MALT1: variants seen among roughly 807,000 people sequenced by gnomAD.
MALT1 encodes the protein mucosa-associated lymphoid tissue lymphoma translocation protein 1.
A neutral mutation model predicts 85.5 loss-of-function variants in MALT1; 36 were observed. That is an observed-to-expected ratio of 0.42 (90% CI 0.32 to 0.56). The LOEUF is 0.56. MALT1 is among the 20% of genes least tolerant of loss of function. The pLI is 0.10. For synonymous variants in MALT1, 359 were observed against 361.3 expected, an observed-to-expected ratio of 0.99 and a Z score of 0.07; for missense variants, 716 against 981.6, an observed-to-expected ratio of 0.73 and a Z score of 3.62.
At chr18:58,673,599 C>T (rs529954841) in intron 1 of MALT1, among the ~76,000 whole-genome samples, 14 of 152,228 alleles carry the variant, frequency 9.2e-5, no homozygotes, top group African/African-American at 2.4e-4. Flanking sequence ...GGATTACAGG[C>T]GTGCGCCACT....
chr18:58,744,261 A>T (rs12456894), intron 14 of MALT1, 77 bp from the exon 15 acceptor site: 109,952 of 912,528 alleles, frequency 0.12, 7,692 homozygotes, highest in Admixed American at 0.17. Context: ...AGAAATGCTA[A>T]CTATATTCTC....
chr18:58,722,608 T>G (rs1308248254), intron 9 of MALT1, among the ~76,000 whole-genome samples: 2 of 152,220 alleles, frequency 1.3e-5, no homozygotes, highest in African/African-American at 4.8e-5. Context: ...CTGTCCCTTT[T>G]TTAGTTATCT....
chr18:58,735,384 C>A, intron 13 of MALT1, 55 bp downstream of exon 13: 6 of 1,540,762 alleles, frequency 3.9e-6, no homozygotes, highest in Non-Finnish European at 5.2e-6. Flanking sequence ...AGGGGAGACA[C>A]ACCTATTCAG....
chr18:58,708,363 A>G (rs2054786926), intron 4 of MALT1, among the ~76,000 whole-genome samples: 1 of 152,230 alleles, frequency 6.6e-6, no homozygotes, highest in Non-Finnish European at 1.5e-5. Context: ...TGGTTTTCCC[A>G]GGACTTTCCT....
intron 2 of MALT1, among the ~76,000 whole-genome samples, chr18:58,690,187 A>G (rs1451305609): frequency 6.6e-6 from 1 of 152,178 alleles, no homozygotes; most frequent in Non-Finnish European, 1.5e-5. Flanking sequence ...TAACTCTTAC[A>G]ATATTTCGAA....
intron 2 of MALT1, chr18:58,690,335 G>T: frequency 6.6e-6 from 1 of 152,548 alleles, no homozygotes; most frequent in South Asian, 2.1e-4. Context: ...GTGGTCTTAA[G>T]ACCAGATCAG....
At chr18:58,720,992 T>C (rs1258222394) in intron 9 of MALT1, among the ~76,000 whole-genome samples, 2 of 152,228 alleles carry the variant, frequency 1.3e-5, no homozygotes, top group Non-Finnish European at 2.9e-5. Context: ...TCTAATAGCA[T>C]TGATGGACTC....
At chr18:58,678,213 A>G (rs2054269221) in intron 1 of MALT1, among the ~76,000 whole-genome samples, 1 of 152,228 alleles carries the variant, frequency 6.6e-6, no homozygotes, top group Non-Finnish European at 1.5e-5. Flanking sequence ...GGGTAACAGT[A>G]TAAATGCTAT....
intron 10 of MALT1, among the ~76,000 whole-genome samples, chr18:58,727,616 G>GGTTTTTTT (rs1555688173): frequency 8.2e-6 from 1 of 121,264 alleles, no homozygotes; most frequent in African/African-American, 3.3e-5. Context: ...GGTTTTTTGT[G>GGTTTTTTT]TTTTTTTTTT....
At chr18:58,730,617 G>A (rs949322828) in intron 10 of MALT1, among the ~76,000 whole-genome samples, 6 of 152,170 alleles carry the variant, frequency 3.9e-5, no homozygotes, top group African/African-American at 1.4e-4. Flanking sequence ...TTGTGTGGAC[G>A]TAGTTTCCAT....
chr18:58,671,533 T>TACA lies in MALT1; in HGVS notation c.-111_-110insACA. ...GGGCCGTGCCGCGCTGCCAGATTTG[T>TACA]TCTTCCGCCCCTGCCTCCGCGGCTC... On this transcript the variant is annotated 5_prime_UTR_variant, in exon 1 of 17. Transcript: ENST00000649217. 1 of 644,904 alleles carries TACA rather than the reference T, an allele frequency of 1.6e-6. No individual in the cohort carries two copies. The allele number at this position is 644,904 out of a possible 1,614,324, so 39.9% of individuals were successfully genotyped here.
At position 58,752,278 on chromosome 18, in the gene MALT1, A is replaced by G. The variant is rs2055456481; in HGVS notation, c.*4436A>G. The G allele has an allele frequency of 6.6e-6, 1 of 152,118 alleles. No individual in the cohort carries two copies. Among genetic ancestry groups the G allele is most frequent in the Non-Finnish European group, 1.5e-5 (1 of 68,022 alleles). The allele number at this position is 152,118 out of a possible 1,614,324, so 9.4% of individuals were successfully genotyped here. On this transcript the variant is annotated 3_prime_UTR_variant, in exon 17 of 17. Coordinates refer to ENST00000649217, the MANE Select transcript of MALT1 (RefSeq NM_006785.4). ...CAGCATCAGTTTAATATCTAGATAA[A>G]ATCTGATGTATGTAATTTTACTTTT... is the stretch of plus-strand genomic sequence containing the variant.
At chr18:58,733,344 C>G in intron 10 of MALT1, 53 bp from the exon 11 acceptor site, 4 of 1,195,080 alleles carry the variant, frequency 3.3e-6, no homozygotes, top group Non-Finnish European at 4.8e-6. Flanking sequence ...TCTGTATGTT[C>G]AGAGTGCATT....
intron 12 of MALT1, among the ~76,000 whole-genome samples, chr18:58,734,879 A>T (rs2055203277): frequency 6.6e-6 from 1 of 152,228 alleles, no homozygotes; most frequent in Non-Finnish European, 1.5e-5. Flanking sequence ...CTTTTTAAAA[A>T]ATTATTTTTA....
intron 2 of MALT1, among the ~76,000 whole-genome samples, chr18:58,691,822 G>A (rs539609107): frequency 1.3e-5 from 2 of 151,274 alleles, no homozygotes; most frequent in African/African-American, 4.9e-5. Context: ...GCCGTGAGCC[G>A]AGATTGCGCC....
At position 58,715,966 on chromosome 18, in the gene MALT1, G is replaced by C. The variant is rs775441483; in HGVS notation, c.1017G>C (p.Leu339Phe). 2.7e-5 allele frequency: 43 copies of C among 1,601,268 alleles called. No homozygotes were observed. The highest frequency in any genetic ancestry group is 3.7e-5 in the Non-Finnish European group (43 of 1,173,856). Residue 339 changes from leucine to phenylalanine, a missense_variant and splice_region_variant, in exon 9 of 17, where the codon TTG (leucine) becomes TTC (phenylalanine). Leu to Phe is a conservative substitution (Grantham distance 22, BLOSUM62 0). Transcript: ENST00000649217. The stretch of plus-strand genomic sequence containing the variant: ...AAGAGCAAACAACTGACCAGCCTTT[G>C]GGTGAGTAGAACTTTAAAATGCATT... ...DNKEQTTDQP[L>F]AKDKVALLIG... is the part of the protein sequence containing the mutation.
intron 2 of MALT1, among the ~76,000 whole-genome samples, chr18:58,693,237 AT>A: frequency 6.6e-6 from 1 of 152,178 alleles, no homozygotes; most frequent in African/African-American, 2.4e-5. Context: ...CCTGGGCAAC[AT>A]GGTGAAACCC....
At position 58,671,742 on chromosome 18, in the gene MALT1, G is replaced by C; in HGVS notation, c.99G>C (p.Leu33=). Residue 33 remains leucine, a synonymous_variant, in exon 1 of 17, where the codon CTG becomes CTC. Coordinates refer to ENST00000649217, the MANE Select transcript of MALT1 (RefSeq NM_006785.4). The part of the protein sequence containing the change: ...APPAGATLNR[L]REPLLRRLSE... ...CGGCCGGCGCGACCCTCAACCGCCT[G>C]CGGGAGCCGCTGCTGCGGAGGCTCA... 1 of 1,277,532 alleles carries C rather than the reference G, an allele frequency of 7.8e-7. No individual in the cohort carries two copies. Among genetic ancestry groups the C allele is most frequent in the African/African-American group, 1.5e-5 (1 of 64,660 alleles). The allele number at this position is 1,277,532 out of a possible 1,614,324, so 79.1% of individuals were successfully genotyped here.
intron 13 of MALT1, among the ~76,000 whole-genome samples, chr18:58,738,727 A>G (rs1393020965): frequency 1.3e-5 from 2 of 152,088 alleles, no homozygotes; most frequent in Non-Finnish European, 2.9e-5. Context: ...CATTGTTCAT[A>G]TTTTTAATAG....
Sources: allele counts gnomAD v4.1 joint callset (sites outside exome capture counted in the v4.1 genomes callset), GRCh38; gene constraint gnomAD v4.1.1; transcripts MANE v1.5; gene names NCBI Gene and HGNC (gene_info 2026-07-23, HGNC 2026-07-21).